ROR1: variants seen among roughly 807,000 people sequenced by gnomAD.
ROR1 encodes inactive tyrosine-protein kinase transmembrane receptor ROR1.
ROR1 carries 19 observed loss-of-function variants against 78.8 expected under a neutral mutation model. The observed-to-expected ratio is 0.24, with a 90% CI of 0.17 to 0.35. ROR1 has a LOEUF of 0.35. Ranked by LOEUF, ROR1 falls within the 10% of genes least tolerant of loss-of-function variation. ROR1 has a pLI of 1.00. For synonymous variants in ROR1, 386 were observed against 433.6 expected (o/e 0.89, Z 1.36); for missense variants, 917 against 1,177.8 (o/e 0.78, Z 3.24).
intron 1 of ROR1, among the ~76,000 whole-genome samples, chr1:63,809,379 G>A (rs1234544083): frequency 2.0e-5 from 3 of 152,172 alleles, no homozygotes; most frequent in Non-Finnish European, 4.4e-5. Context: ...AGTTTCCCTG[G>A]AAGAGCAATA....
At chr1:64,091,661 C>A (rs1647198337) in intron 4 of ROR1, among the ~76,000 whole-genome samples, 1 of 152,116 alleles carries the variant, frequency 6.6e-6, no homozygotes, top group African/African-American at 2.4e-5. Context: ...TTCCTTCTCA[C>A]TCCACACCAC....
chr1:64,072,187 G>C (rs569458066), intron 4 of ROR1, among the ~76,000 whole-genome samples: 1 of 152,190 alleles, frequency 6.6e-6, no homozygotes, highest in Admixed American at 6.5e-5. Context: ...TCTATGCAAA[G>C]AATTGCAAGG....
At chr1:64,073,290 G>A (rs1362189486) in intron 4 of ROR1, among the ~76,000 whole-genome samples, 1 of 152,146 alleles carries the variant, frequency 6.6e-6, no homozygotes, top group African/African-American at 2.4e-5. Flanking sequence ...CAATCAGTCA[G>A]AAGATCCAAC....
At position 63,989,162 on chromosome 1, in the gene ROR1, G is replaced by GTTTTT. The variant is rs1287163623; in HGVS notation, c.92-20142_92-20138dup. On this transcript the variant is annotated intron_variant, in intron 1 of 8. Transcript: ENST00000371079. ...TTTTTGCCAACACTTGTCATTTTCT[G>GTTTTT]TTTTTGTTTTTTTTTTTTTTTAAAC... Among the ~76,000 whole-genome samples the GTTTTT allele has an allele frequency of 1.4e-4, 17 of 117,404 alleles. 1 individual carries two copies. The highest frequency in any genetic ancestry group is 3.8e-4 in the African/African-American group (13 of 34,552). The allele number at this position is 117,404 out of a possible 152,430, so 77.0% of individuals were successfully genotyped here.
At chr1:64,045,049 A>C (rs943472637) in intron 2 of ROR1, among the ~76,000 whole-genome samples, 1 of 152,236 alleles carries the variant, frequency 6.6e-6, no homozygotes, top group Non-Finnish European at 1.5e-5. Flanking sequence ...AAAGTACAAG[A>C]TAAATCAATC....
chr1:63,785,497 T>TATTTTA (rs1318563060), intron 1 of ROR1, among the ~76,000 whole-genome samples: 1 of 147,624 alleles, frequency 6.8e-6, no homozygotes, highest in Non-Finnish European at 1.5e-5. Context: ...TATATATATA[T>TATTTTA]TTTATTTATT....
chr1:64,180,387 TGAG>T lies in ROR1; in HGVS notation c.*1536_*1538del, dbSNP rs944560741. 10 of 152,168 alleles carry T rather than the reference TGAG, an allele frequency of 6.6e-5. No individual in the cohort carries two copies. Among genetic ancestry groups the T allele is most frequent in the Non-Finnish European group, 8.8e-5 (6 of 68,020 alleles). The allele number at this position is 152,168 out of a possible 1,614,324, so 9.4% of individuals were successfully genotyped here. ...AGTAATTCCTGGAAATGATATTTGA[TGAG>T]GAGAATGTAAGAGAATGAAAAACAC... is the stretch of plus-strand genomic sequence containing the variant. On this transcript the variant is annotated 3_prime_UTR_variant, in exon 9 of 9. Coordinates refer to ENST00000371079, the MANE Select transcript of ROR1 (RefSeq NM_005012.4).
intron 1 of ROR1, among the ~76,000 whole-genome samples, chr1:63,818,746 G>A (rs933510150): frequency 6.6e-6 from 1 of 152,164 alleles, no homozygotes; most frequent in Non-Finnish European, 1.5e-5. Flanking sequence ...AATACATAAG[G>A]TATAACCTAT....
At chr1:64,112,284 G>A (rs1168936446) in intron 4 of ROR1, 1 of 152,072 alleles carries the variant, frequency 6.6e-6, no homozygotes, top group Non-Finnish European at 1.5e-5. Context: ...GTGTACTATT[G>A]GGTAAGTGCT....
intron 1 of ROR1, among the ~76,000 whole-genome samples, chr1:63,902,035 C>T (rs1003464640): frequency 5.3e-5 from 8 of 152,022 alleles, no homozygotes; most frequent in Non-Finnish European, 1.0e-4. Flanking sequence ...TTTATGGTGA[C>T]GTTATTGAAA....
intron 1 of ROR1, among the ~76,000 whole-genome samples, chr1:63,790,869 G>A (rs1045656995): frequency 6.6e-5 from 10 of 152,128 alleles, no homozygotes; most frequent in African/African-American, 2.4e-4. Flanking sequence ...TCTCAGTTTT[G>A]AACCTGCAAG....
rs1363222586 is a variant in ROR1 at position 64,073,950 on chromosome 1, T to C, written c.482+23234T>C. Among the ~76,000 whole-genome samples, 3 of 152,374 alleles carry C rather than the reference T, an allele frequency of 2.0e-5. No individual in the cohort carries two copies. In the East Asian group the frequency reaches 5.8e-4, roughly 29 times the overall value. ...GTGGAGATGAGGTTAATAAGACCTC[T>C]GTTGCTGCTTGGCAGTTCTTAACGG... On this transcript the variant is annotated intron_variant, in intron 4 of 8. Coordinates refer to ENST00000371079, the MANE Select transcript of ROR1 (RefSeq NM_005012.4).
chr1:64,096,508 C>T (rs1451768500), intron 4 of ROR1, among the ~76,000 whole-genome samples: 1 of 152,114 alleles, frequency 6.6e-6, no homozygotes, highest in Non-Finnish European at 1.5e-5. Flanking sequence ...TCTGTTCCTG[C>T]ATTGGTTTGC....
intron 1 of ROR1, among the ~76,000 whole-genome samples, chr1:63,904,670 C>A (rs1645514617): frequency 6.6e-6 from 1 of 152,132 alleles, no homozygotes; most frequent in African/African-American, 2.4e-5. Flanking sequence ...AAAATGAAGT[C>A]ATTAGGGTGA....
At chr1:64,044,638 T>C (rs1210789591) in intron 2 of ROR1, among the ~76,000 whole-genome samples, 1 of 152,192 alleles carries the variant, frequency 6.6e-6, no homozygotes, top group Non-Finnish European at 1.5e-5. Context: ...ACTATGACTG[T>C]CTCAAAGAAA....
intron 1 of ROR1, among the ~76,000 whole-genome samples, chr1:63,887,040 C>T (rs955535907): frequency 2.6e-4 from 40 of 152,224 alleles, no homozygotes; most frequent in Non-Finnish European, 1.9e-4. Context: ...GGATTGACAG[C>T]CCAGGAGACC....
At chr1:63,981,088 A>G (rs285345) in intron 1 of ROR1, among the ~76,000 whole-genome samples, 117,863 of 152,066 alleles carry the variant, frequency 0.78, 46,203 homozygotes, top group East Asian at 0.94. Flanking sequence ...GATGTTGTTC[A>G]TAACAACAAC....
chr1:63,865,991 G>A (rs745732501), intron 1 of ROR1, among the ~76,000 whole-genome samples: 5 of 152,162 alleles, frequency 3.3e-5, no homozygotes, highest in Non-Finnish European at 7.3e-5. Flanking sequence ...TTAAAGAGTA[G>A]CAGTTGCCTA....
chr1:64,129,677 T>TA (rs1285025053), intron 4 of ROR1, among the ~76,000 whole-genome samples: 4 of 152,176 alleles, frequency 2.6e-5, no homozygotes, highest in Admixed American at 2.6e-4. Context: ...TTGAAGACAG[T>TA]AAAAAATCAC....
Sources: gnomAD v4.1 joint callset for allele counts (sites outside exome capture counted in the v4.1 genomes callset) on GRCh38, gnomAD v4.1.1 for gene constraint, MANE v1.5 for transcripts, NCBI Gene and HGNC (gene_info 2026-07-23, HGNC 2026-07-21) for gene names.